Variants in PBX3 observed in about 807,000 individuals in gnomAD.
The protein encoded by PBX3 is PBX homeobox 3.
PBX3 carries 14 observed loss-of-function variants against 48.5 expected under a neutral mutation model. That is an observed-to-expected ratio of 0.29 (90% CI 0.19 to 0.45). The LOEUF is 0.45. Ranked by LOEUF, PBX3 falls within the 20% of genes least tolerant of loss-of-function variation. PBX3 has a pLI of 1.00. For missense variants in PBX3, 386 were observed against 546.7 expected (o/e 0.71, Z 2.93); for synonymous variants, 210 against 200.3 (o/e 1.05, Z -0.41).
chr9:125,757,520 T>C (rs1434625666), intron 2 of PBX3, among the ~76,000 whole-genome samples: 2 of 152,168 alleles, frequency 1.3e-5, no homozygotes, highest in African/African-American at 2.4e-5. Flanking sequence ...TTAAAAGATA[T>C]GTGTGTAATT....
intron 2 of PBX3, among the ~76,000 whole-genome samples, chr9:125,837,694 C>T (rs1839177007): frequency 6.6e-6 from 1 of 151,920 alleles, no homozygotes. Flanking sequence ...GGGTTCATGC[C>T]ATTCTTCCGC....
At chr9:125,760,028 C>T (rs1017017463) in intron 2 of PBX3, among the ~76,000 whole-genome samples, 9 of 152,168 alleles carry the variant, frequency 5.9e-5, no homozygotes, top group East Asian at 3.8e-4. Flanking sequence ...GTAGTTGCTG[C>T]GAGGATCCTG....
Position 125,941,360 on chromosome 9 carries a change from G to A in PBX3, c.843+5753G>A, listed in dbSNP as rs528631170. ...CTTCTAGGCCATGGTGATGACTTGGGCTTTCACTGTGAGATGGGGAACTGA... is the reference window on the plus strand; with the variant it reads ...CTTCTAGGCCATGGTGATGACTTGGACTTTCACTGTGAGATGGGGAACTGA... On this transcript the variant is annotated intron_variant, in intron 5 of 8. Coordinates refer to ENST00000373489, the MANE Select transcript of PBX3 (RefSeq NM_006195.6). Among the ~76,000 whole-genome samples, 23 of 152,304 alleles carry A rather than the reference G, an allele frequency of 1.5e-4. No individual in the cohort carries two copies. In the East Asian group the frequency reaches 4.4e-3, roughly 29 times the overall value.
intron 2 of PBX3, among the ~76,000 whole-genome samples, chr9:125,762,159 A>G (rs1378889601): frequency 6.6e-6 from 1 of 152,156 alleles, no homozygotes; most frequent in Non-Finnish European, 1.5e-5. Context: ...ACATTGTTTT[A>G]TTACCCTTCT....
chr9:125,835,934 A>G (rs1330337979), intron 2 of PBX3, among the ~76,000 whole-genome samples: 2 of 152,258 alleles, frequency 1.3e-5, no homozygotes, highest in Non-Finnish European at 2.9e-5. Flanking sequence ...AGCAAGATAT[A>G]GAATCAGCCT....
At chr9:125,775,894 T>C (rs1056752460) in intron 2 of PBX3, among the ~76,000 whole-genome samples, 2 of 152,234 alleles carry the variant, frequency 1.3e-5, no homozygotes, top group African/African-American at 4.8e-5. Flanking sequence ...TTTAAGTCTT[T>C]AATTTCTTTC....
chr9:125,944,318 A>C (rs1043558479), intron 5 of PBX3, among the ~76,000 whole-genome samples: 1 of 152,202 alleles, frequency 6.6e-6, no homozygotes, highest in African/African-American at 2.4e-5. Context: ...CAGTTTAAAT[A>C]AGTTAATTTG....
chr9:125,779,148 A>G (rs951131653), intron 2 of PBX3, among the ~76,000 whole-genome samples: 1 of 144,312 alleles, frequency 6.9e-6, no homozygotes, highest in Non-Finnish European at 1.5e-5. Context: ...TTAGATCTGG[A>G]ATCCTACAAT....
intron 2 of PBX3, among the ~76,000 whole-genome samples, chr9:125,861,943 T>G (rs1343612790): frequency 6.6e-6 from 1 of 152,218 alleles, no homozygotes; most frequent in African/African-American, 2.4e-5. Context: ...ATTGTATACT[T>G]TAGGTATATT....
chr9:125,760,109 G>A (rs931232784), intron 2 of PBX3, among the ~76,000 whole-genome samples: 1 of 152,094 alleles, frequency 6.6e-6, no homozygotes, highest in Non-Finnish European at 1.5e-5. Flanking sequence ...TTTATTTCAC[G>A]CGGTTTGTTC....
intron 2 of PBX3, among the ~76,000 whole-genome samples, chr9:125,833,779 G>A (rs1335565414): frequency 4.6e-5 from 7 of 152,130 alleles, no homozygotes; most frequent in Non-Finnish European, 8.8e-5. Flanking sequence ...AAAACTTTTG[G>A]CTATTTTGAA....
At chr9:125,799,945 TG>T (rs1470361362) in intron 2 of PBX3, among the ~76,000 whole-genome samples, 1 of 152,240 alleles carries the variant, frequency 6.6e-6, no homozygotes, top group Non-Finnish European at 1.5e-5. Context: ...GATTTCCTCT[TG>T]GGAGGTGAAG....
intron 2 of PBX3, among the ~76,000 whole-genome samples, chr9:125,800,137 A>T (rs1043498643): frequency 1.3e-5 from 2 of 152,206 alleles, no homozygotes; most frequent in Non-Finnish European, 1.5e-5. Context: ...TTTTGCTTCA[A>T]CTATGGACTC....
intron 2 of PBX3, among the ~76,000 whole-genome samples, chr9:125,776,055 A>T (rs1220541037): frequency 6.6e-6 from 1 of 152,290 alleles, no homozygotes; most frequent in East Asian, 1.9e-4. Context: ...AGTTTTACTT[A>T]TTCCTTTCCA....
chr9:125,788,516 A>T (rs1837514833), intron 2 of PBX3, among the ~76,000 whole-genome samples: 1 of 152,238 alleles, frequency 6.6e-6, no homozygotes, highest in Admixed American at 6.5e-5. Context: ...AAAAGCATAG[A>T]TAAAATACAA....
chr9:125,822,445 G>A (rs903288204), intron 2 of PBX3, among the ~76,000 whole-genome samples: 1 of 151,980 alleles, frequency 6.6e-6, no homozygotes, highest in African/African-American at 2.4e-5. Context: ...TTTTAAAGGA[G>A]GTACTCTTCT....
chr9:125,817,513 T>C (rs1306401663), intron 2 of PBX3, among the ~76,000 whole-genome samples: 3 of 152,210 alleles, frequency 2.0e-5, no homozygotes, highest in Non-Finnish European at 4.4e-5. Context: ...ATTAATTTCA[T>C]TGAGTCTTTC....
chr9:125,928,422 G>T (rs866964120), intron 3 of PBX3, among the ~76,000 whole-genome samples: 21 of 142,388 alleles, frequency 1.5e-4, no homozygotes, highest in Non-Finnish European at 2.7e-4. Flanking sequence ...GTGTGTGTGT[G>T]TTTTTGTGTA....
rs1047268621 is a variant in PBX3, at chr9:125,797,583, T to C, written c.274+48960T>C. On this transcript the variant is annotated intron_variant, in intron 2 of 8. Transcript: ENST00000373489. ...TGTGTGTTTAAGGTATACAGTGTGATGTTATGAGATACATATAGTACACAG... is the reference window on the plus strand; with the variant it reads ...TGTGTGTTTAAGGTATACAGTGTGACGTTATGAGATACATATAGTACACAG... 1.3e-4 allele frequency: 20 copies of C among 152,274 alleles called. No individual in the cohort carries two copies. The East Asian group carries it at 3.3e-3, about 25-fold the overall frequency. The allele number at this position is 152,274 out of a possible 1,614,324, so 9.4% of individuals were successfully genotyped here.
Sources: gnomAD v4.1 joint callset for allele counts (sites outside exome capture counted in the v4.1 genomes callset) on GRCh38, gnomAD v4.1.1 for gene constraint, MANE v1.5 for transcripts, NCBI Gene and HGNC (gene_info 2026-07-23, HGNC 2026-07-21) for gene names.